The following SOX1 variants were observed in gnomAD, a reference collection of about 807,000 sequenced individuals.
SOX1 encodes the protein transcription factor SOX-1.
A neutral mutation model predicts 0.9 loss-of-function variants in SOX1; 1 was observed. The ratio of observed to expected loss-of-function variants is 1.07; its 90% CI spans 0.38 to 5.06. The LOEUF (loss-of-function observed/expected upper bound fraction) is 5.06, where lower values mean the gene tolerates loss of function less well. SOX1 is among the 30% of genes most tolerant of loss of function. SOX1 has a pLI of 0.16. For synonymous variants in SOX1, 397 were observed against 265.5 expected (o/e 1.50, Z -4.81); for missense variants, 564 against 534.4 (o/e 1.06, Z -0.55).
At position 112,069,002 on chromosome 13, in the gene SOX1, C is replaced by T. The variant is rs756117919; in HGVS notation, c.*168C>T. ...CCGGGTGACGCGTGTCCCCCACTCA[C>T]CTTCCCCGGAGACCCTGGCGACCGC... On this transcript the variant is annotated 3_prime_UTR_variant, in exon 1 of 1. Coordinates refer to ENST00000330949, the MANE Select transcript of SOX1 (RefSeq NM_005986.3). 11 of 447,632 alleles carry T rather than the reference C, an allele frequency of 2.5e-5. No homozygotes were observed. The highest frequency in any genetic ancestry group is 3.9e-5 in the Non-Finnish European group (11 of 285,166). The allele number at this position is 447,632 out of a possible 1,614,324, so 27.7% of individuals were successfully genotyped here. A position where few individuals can be genotyped will look rare whatever the true frequency, so the allele number is the denominator to read the frequency against.
At position 112,068,918 on chromosome 13, in the gene SOX1, G is replaced by C. The variant is rs1056121; in HGVS notation, c.*84G>C. On this transcript the variant is annotated 3_prime_UTR_variant, in exon 1 of 1. Transcript: ENST00000330949. The surrounding 1 kb of genome is among the most constrained non-coding windows in gnomAD (Gnocchi z 6.9). Reference sequence around the variant, plus strand: ...GGCTCCCGCCCCGCCCCGGCGCGGCGTGGCTTTTGTACAGACGTTCCCACA... The same window carrying C: ...GGCTCCCGCCCCGCCCCGGCGCGGCCTGGCTTTTGTACAGACGTTCCCACA... 0.14 allele frequency: 152,141 copies of C among 1,075,652 alleles called. 14,299 individuals carry two copies. The highest frequency in any genetic ancestry group is 0.45 in the African/African-American group (27,231 of 59,938). 66.6% of individuals were successfully genotyped at this position (1,075,652 alleles called of 1,614,324 possible).
In SOX1 at chr13:112,069,301, G is replaced by A. The variant is rs993157381; in HGVS notation, c.*467G>A. The A allele has an allele frequency of 6.0e-6, 1 of 167,144 alleles. No individual in the cohort carries two copies. The highest frequency in any genetic ancestry group is 1.5e-5 in the Non-Finnish European group (1 of 68,156). 10.4% of individuals were successfully genotyped at this position (167,144 alleles called of 1,614,324 possible). A position where few individuals can be genotyped will look rare whatever the true frequency, so the allele number is the denominator to read the frequency against. ...TATAAATGTAGTAAGGCAGGTCCAA[G>A]CACTTACAAGTTTTTTGTAGTTGTT... On this transcript the variant is annotated 3_prime_UTR_variant, in exon 1 of 1. Coordinates refer to ENST00000330949, the MANE Select transcript of SOX1 (RefSeq NM_005986.3).
At position 112,068,794 on chromosome 13, in the gene SOX1, G is replaced by A; in HGVS notation, c.1136G>A (p.Gly379Asp). 4.9e-6 allele frequency: 6 copies of A among 1,228,556 alleles called. No homozygotes were observed. The highest frequency in any genetic ancestry group is 6.1e-6 in the Non-Finnish European group (6 of 984,040). The allele number at this position is 1,228,556 out of a possible 1,614,324, so 76.1% of individuals were successfully genotyped here. A position where few individuals can be genotyped will look rare whatever the true frequency, so the allele number is the denominator to read the frequency against. ...CTGCCGCAGCACTACCAGGGCGCGG[G>A]CGCGGGCGTGAACGGCACGGTGCCC... ...HSLPQHYQGA[G>D]AGVNGTVPLT... Residue 379 changes from glycine (G) to aspartate (D), a missense_variant, in exon 1 of 1, where the codon GGC (glycine) becomes GAC (aspartate). Transcript: ENST00000330949. The surrounding 1 kb of genome is among the most constrained non-coding windows in gnomAD (Gnocchi z 6.9).
Position 112,068,436 on chromosome 13 carries a change from T to C in SOX1, c.778T>C (p.Ser260Pro), listed in dbSNP as rs1880790501. Reference protein sequence around the residue: ...DMGALQYSPISNSQGYMSASP... With the variant: ...DMGALQYSPIPNSQGYMSASP... ...GGGCGCGCTGCAGTACAGCCCCATC[T>C]CCAACTCGCAGGGCTACATGAGCGC... The change falls in exon 1 of 1, where the codon TCC becomes CCC. Residue 260 changes from serine (S) to proline (P), a missense_variant. By Grantham distance (74) the Ser-to-Pro change is moderately conservative. Transcript: ENST00000330949. The surrounding 1 kb of genome is among the most constrained non-coding windows in gnomAD (Gnocchi z 6.9). 1 of 1,248,282 alleles carries C rather than the reference T, an allele frequency of 8.0e-7. No homozygotes were observed. The allele number at this position is 1,248,282 out of a possible 1,614,324, so 77.3% of individuals were successfully genotyped here. A position where few individuals can be genotyped will look rare whatever the true frequency, so the allele number is the denominator to read the frequency against.
rs896326101 is a variant in SOX1 at position 112,070,835 on chromosome 13, C to T, written c.*2001C>T. ...CAAAAAAGTTCAAGAATGATGTCCACTGCTTTCTAACAAGATAATAAACCC... is the reference window on the plus strand; with the variant it reads ...CAAAAAAGTTCAAGAATGATGTCCATTGCTTTCTAACAAGATAATAAACCC... On this transcript the variant is annotated 3_prime_UTR_variant, in exon 1 of 1. Coordinates refer to ENST00000330949, the MANE Select transcript of SOX1 (RefSeq NM_005986.3). Among the ~76,000 whole-genome samples the T allele has an allele frequency of 2.4e-4, 37 of 152,108 alleles. No individual in the cohort carries two copies. The highest frequency in any genetic ancestry group is 8.0e-4 in the African/African-American group (33 of 41,394).
Position 112,068,213 on chromosome 13 carries a change from C to T in SOX1, c.555C>T (p.Asn185=), listed in dbSNP as rs1880778100. 2.6e-6 allele frequency: 2 copies of T among 770,140 alleles called. No individual in the cohort carries two copies. Among genetic ancestry groups the T allele is most frequent in the Non-Finnish European group, 3.2e-6 (2 of 630,706 alleles). 47.7% of individuals were successfully genotyped at this position (770,140 alleles called of 1,614,324 possible). The part of the protein sequence containing the change: ...GAAGGGYAHV[N]GWANGAYPGS... The stretch of plus-strand genomic sequence containing the variant: ...CGGGCGGCGGCTACGCGCACGTCAA[C>T]GGCTGGGCCAACGGCGCCTACCCCG... Residue 185 remains asparagine (N), a synonymous_variant, in exon 1 of 1, where the codon AAC becomes AAT. Transcript: ENST00000330949. The surrounding 1 kb of genome is among the most constrained non-coding windows in gnomAD (Gnocchi z 6.9).
In SOX1 at chr13:112,068,680, G is replaced by C. The variant is rs1880801724; in HGVS notation, c.1022G>C (p.Arg341Pro). Reference protein sequence around the residue: ...HSRAPCPGDLREMISMYLPAG... With the variant: ...HSRAPCPGDLPEMISMYLPAG... ...CGGGCGCCGTGCCCCGGGGACCTGCGCGAGATGATCAGCATGTACTTGCCC... is the reference window on the plus strand; with the variant it reads ...CGGGCGCCGTGCCCCGGGGACCTGCCCGAGATGATCAGCATGTACTTGCCC... Residue 341 changes from arginine to proline, a missense_variant, in exon 1 of 1, where the codon CGC (arginine) becomes CCC (proline). By Grantham distance (103) the Arg-to-Pro change is moderately radical. Transcript: ENST00000330949. This position sits in a 1 kb window ranked among gnomAD's most constrained non-coding sequence, Gnocchi z 6.9. The C allele has an allele frequency of 8.5e-7, 1 of 1,172,586 alleles. No individual in the cohort carries two copies. Among genetic ancestry groups the C allele is most frequent in the East Asian group, 3.8e-5 (1 of 26,198 alleles). The allele number at this position is 1,172,586 out of a possible 1,614,324, so 72.6% of individuals were successfully genotyped here.
rs575607166 is a variant in SOX1, at chr13:112,067,234, G to A, written c.-425G>A. Among the ~76,000 whole-genome samples, 18 of 152,156 alleles carry A rather than the reference G, an allele frequency of 1.2e-4. No homozygotes were observed. The highest frequency in any genetic ancestry group is 6.5e-4 in the Admixed American group (10 of 15,304). On this transcript the variant is annotated 5_prime_UTR_variant, in exon 1 of 1. Transcript: ENST00000330949. The surrounding 1 kb of genome is among the most constrained non-coding windows in gnomAD (Gnocchi z 5.1). ...GGCCGCTGAGGACCGAGCGCAGGAG[G>A]AAGGAGACAGCGCGCAGCGGCGGCC...
rs951175950 is a variant in SOX1 at position 112,067,151 on chromosome 13, C to T, written c.-508C>T. On this transcript the variant is annotated 5_prime_UTR_variant, in exon 1 of 1. Transcript: ENST00000330949. The surrounding 1 kb of genome is among the most constrained non-coding windows in gnomAD (Gnocchi z 5.1). ...GCTTCCCCCGGGCACCTGGGACCAGCACATGCCCAGCGCACGCGGCGCGCC... is the reference window on the plus strand; with the variant it reads ...GCTTCCCCCGGGCACCTGGGACCAGTACATGCCCAGCGCACGCGGCGCGCC... Among the ~76,000 whole-genome samples, 10 of 150,950 alleles carry T rather than the reference C, an allele frequency of 6.6e-5. No individual in the cohort carries two copies. The highest frequency in any genetic ancestry group is 1.5e-4 in the Non-Finnish European group (10 of 67,626).
Position 112,067,817 on chromosome 13 carries a change from G to T in SOX1, c.159G>T (p.Arg53=). The T allele has an allele frequency of 6.3e-7, 1 of 1,576,618 alleles. No individual in the cohort carries two copies. Among genetic ancestry groups the T allele is most frequent in the South Asian group, 1.1e-5 (1 of 87,582 alleles). The change falls in exon 1 of 1, where the codon CGG becomes CGT. Residue 53 remains arginine, a synonymous_variant. Transcript: ENST00000330949. The surrounding 1 kb of genome is among the most constrained non-coding windows in gnomAD (Gnocchi z 5.1). ...AGGCCAACCAGGACCGGGTCAAACG[G>T]CCCATGAACGCCTTCATGGTGTGGT... ...GAKANQDRVK[R]PMNAFMVWSR...
rs1169721171 is a variant in SOX1 at position 112,067,813 on chromosome 13, A to G, written c.155A>G (p.Lys52Arg). ...GGAKANQDRV[K>R]RPMNAFMVWS... The stretch of plus-strand genomic sequence containing the variant: ...GCCAAGGCCAACCAGGACCGGGTCA[A>G]ACGGCCCATGAACGCCTTCATGGTG... Residue 52 changes from lysine (K) to arginine (R), a missense_variant, in exon 1 of 1, where the codon AAA becomes AGA. Coordinates refer to ENST00000330949, the MANE Select transcript of SOX1 (RefSeq NM_005986.3). This position sits in a 1 kb window ranked among gnomAD's most constrained non-coding sequence, Gnocchi z 5.1. 13 of 1,527,452 alleles carry G rather than the reference A, an allele frequency of 8.5e-6. No homozygotes were observed. The highest frequency in any genetic ancestry group is 2.6e-5 in the East Asian group (1 of 37,824). 94.6% of individuals were successfully genotyped at this position (1,527,452 alleles called of 1,614,324 possible). A position where few individuals can be genotyped will look rare whatever the true frequency, so the allele number is the denominator to read the frequency against.
chr13:112,068,424 T>C lies in SOX1; in HGVS notation c.766T>C (p.Tyr256His). The C allele has an allele frequency of 8.0e-7, 1 of 1,257,340 alleles. No homozygotes were observed. The highest frequency in any genetic ancestry group is 1.0e-6 in the Non-Finnish European group (1 of 979,744). 77.9% of individuals were successfully genotyped at this position (1,257,340 alleles called of 1,614,324 possible). A position where few individuals can be genotyped will look rare whatever the true frequency, so the allele number is the denominator to read the frequency against. Residue 256 changes from tyrosine to histidine, a missense_variant, in exon 1 of 1, where the codon TAC (tyrosine) becomes CAC (histidine). Tyr to His is a moderately conservative substitution (Grantham distance 83). Coordinates refer to ENST00000330949, the MANE Select transcript of SOX1 (RefSeq NM_005986.3). The surrounding 1 kb of genome is among the most constrained non-coding windows in gnomAD (Gnocchi z 6.9). ...MHRYDMGALQ[Y>H]SPISNSQGYM... ...CCGCTACGACATGGGCGCGCTGCAG[T>C]ACAGCCCCATCTCCAACTCGCAGGG...
At position 112,067,625 on chromosome 13, in the gene SOX1, C is replaced by T; in HGVS notation, c.-34C>T. ...CGGCCGTCTATGCTCCAGGCCCTCT[C>T]CTCGCGGTGCCGGTGAACCCGCCAG... On this transcript the variant is annotated 5_prime_UTR_variant, in exon 1 of 1. Coordinates refer to ENST00000330949, the MANE Select transcript of SOX1 (RefSeq NM_005986.3). The surrounding 1 kb of genome is among the most constrained non-coding windows in gnomAD (Gnocchi z 5.1). The T allele has an allele frequency of 1.6e-6, 2 of 1,248,746 alleles. No individual in the cohort carries two copies. Among genetic ancestry groups the T allele is most frequent in the Non-Finnish European group, 2.0e-6 (2 of 981,938 alleles). The allele number at this position is 1,248,746 out of a possible 1,614,324, so 77.4% of individuals were successfully genotyped here.
In SOX1 at chr13:112,068,755, G is replaced by A. The variant is rs1458162914; in HGVS notation, c.1097G>A (p.Ser366Asn). 3.3e-6 allele frequency: 4 copies of A among 1,204,574 alleles called. No individual in the cohort carries two copies. Among genetic ancestry groups the A allele is most frequent in the East Asian group, 3.5e-5 (1 of 28,340 alleles). 74.6% of individuals were successfully genotyped at this position (1,204,574 alleles called of 1,614,324 possible). A position where few individuals can be genotyped will look rare whatever the true frequency, so the allele number is the denominator to read the frequency against. The change falls in exon 1 of 1, where the codon AGC becomes AAC. Residue 366 changes from serine (S) to asparagine (N), a missense_variant. By Grantham distance (46) the Ser-to-Asn change is conservative. Coordinates refer to ENST00000330949, the MANE Select transcript of SOX1 (RefSeq NM_005986.3). The surrounding 1 kb of genome is among the most constrained non-coding windows in gnomAD (Gnocchi z 6.9). ...GCGGCAGCAGCGGCCGCGGCGCAGA[G>A]CCGGCTGCACTCGCTGCCGCAGCAC... ...PAAAAAAAAQ[S>N]RLHSLPQHYQ...
At position 112,069,937 on chromosome 13, in the gene SOX1, C is replaced by T. The variant is rs968060955; in HGVS notation, c.*1103C>T. 1 of 167,104 alleles carries T rather than the reference C, an allele frequency of 6.0e-6. No individual in the cohort carries two copies. Among genetic ancestry groups the T allele is most frequent in the Admixed American group, 6.5e-5 (1 of 15,288 alleles). 10.4% of individuals were successfully genotyped at this position (167,104 alleles called of 1,614,324 possible). A position where few individuals can be genotyped will look rare whatever the true frequency, so the allele number is the denominator to read the frequency against. ...TACCTTGCTGCAAGCGGGGCGCCTT[C>T]CACCTGGCTGGGGGTCTGCGCCACA... On this transcript the variant is annotated 3_prime_UTR_variant, in exon 1 of 1. Coordinates refer to ENST00000330949, the MANE Select transcript of SOX1 (RefSeq NM_005986.3).
chr13:112,068,365 C>T lies in SOX1; in HGVS notation c.707C>T (p.Pro236Leu), dbSNP rs751457877. 2 of 1,270,228 alleles carry T rather than the reference C, an allele frequency of 1.6e-6. No individual in the cohort carries two copies. Among genetic ancestry groups the T allele is most frequent in the Admixed American group, 2.9e-5 (1 of 34,946 alleles). 78.7% of individuals were successfully genotyped at this position (1,270,228 alleles called of 1,614,324 possible). Residue 236 changes from proline (P) to leucine (L), a missense_variant, in exon 1 of 1, where the codon CCG (proline) becomes CTG (leucine). Transcript: ENST00000330949. This position sits in a 1 kb window ranked among gnomAD's most constrained non-coding sequence, Gnocchi z 6.9. The stretch of plus-strand genomic sequence containing the variant: ...CCCGCGCACCCGCACCCGCACCACC[C>T]GCACGCGCACCCGCACAACCCGCAG... ...AHPAHPHPHH[P>L]HAHPHNPQPM...
rs1485856060 is a variant in SOX1 at position 112,071,329 on chromosome 13, C to T, written c.*2495C>T. 6.6e-6 allele frequency among the ~76,000 whole-genome samples: 1 copy of T among 152,270 alleles called. No homozygotes were observed. Among genetic ancestry groups the T allele is most frequent in the Non-Finnish European group, 1.5e-5 (1 of 68,048 alleles). ...GCTTTTACAGTTTGGCATCTTATTG[C>T]AGGTGCTTCGTGCACAGTCAGCTGA... On this transcript the variant is annotated 3_prime_UTR_variant, in exon 1 of 1. Coordinates refer to ENST00000330949, the MANE Select transcript of SOX1 (RefSeq NM_005986.3).
chr13:112,068,364 C>CCGCACG lies in SOX1; in HGVS notation c.712_717dup (p.Ala238_His239dup). On this transcript the variant is annotated inframe_insertion, in exon 1 of 1. Transcript: ENST00000330949. This position sits in a 1 kb window ranked among gnomAD's most constrained non-coding sequence, Gnocchi z 6.9. The stretch of plus-strand genomic sequence containing the variant: ...CCCCGCGCACCCGCACCCGCACCAC[C>CCGCACG]CGCACGCGCACCCGCACAACCCGCA... The CCGCACG allele has an allele frequency of 3.2e-6, 4 of 1,269,726 alleles. No individual in the cohort carries two copies. The highest frequency in any genetic ancestry group is 4.1e-6 in the Non-Finnish European group (4 of 987,250). The allele number at this position is 1,269,726 out of a possible 1,614,324, so 78.7% of individuals were successfully genotyped here.
In SOX1 at chr13:112,068,531, G is replaced by T; in HGVS notation, c.873G>T (p.Ala291=). The stretch of plus-strand genomic sequence containing the variant: ...CCGCCGCCGCCGCTGCGGGCGGCGC[G>T]CACCAGAACTCGGCCGTGGCGGCGG... ...AAAAAAAAGG[A]HQNSAVAAAA... The change falls in exon 1 of 1, where the codon GCG becomes GCT. Residue 291 remains alanine (A), a synonymous_variant. Coordinates refer to ENST00000330949, the MANE Select transcript of SOX1 (RefSeq NM_005986.3). The surrounding 1 kb of genome is among the most constrained non-coding windows in gnomAD (Gnocchi z 6.9). The T allele has an allele frequency of 1.0e-6, 1 of 979,242 alleles. No individual in the cohort carries two copies. 60.7% of individuals were successfully genotyped at this position (979,242 alleles called of 1,614,324 possible). A position where few individuals can be genotyped will look rare whatever the true frequency, so the allele number is the denominator to read the frequency against.
Sources: gnomAD v4.1 joint callset for allele counts (sites outside exome capture counted in the v4.1 genomes callset) on GRCh38, gnomAD v4.1.1 for gene constraint, Gnocchi (gnomAD v3.1) non-coding constraint, MANE v1.5 for transcripts, NCBI Gene and HGNC (gene_info 2026-07-23, HGNC 2026-07-21) for gene names.